DPY19L2: variants seen among roughly 807,000 people sequenced by gnomAD.
The protein encoded by DPY19L2 is probable C-mannosyltransferase DPY19L2.
A neutral mutation model predicts 97.9 loss-of-function variants in DPY19L2; 34 were observed. The observed-to-expected ratio is 0.35, with a 90% CI of 0.26 to 0.46. DPY19L2 has a LOEUF of 0.46. Ranked by LOEUF, DPY19L2 falls within the 20% of genes least tolerant of loss-of-function variation. The pLI is 1.00. For synonymous variants in DPY19L2, 230 were observed against 307.9 expected (o/e 0.75, Z 2.65); for missense variants, 623 against 911.4 (o/e 0.68, Z 4.07).
At chr12:63,658,355 C>T (rs915117145) in intron 4 of DPY19L2, among the ~76,000 whole-genome samples, 22 of 151,972 alleles carry the variant, frequency 1.4e-4, no homozygotes, top group Admixed American at 2.6e-4. Flanking sequence ...ATTAGCCAGG[C>T]GTGGTGGCGC....
intron 18 of DPY19L2, among the ~76,000 whole-genome samples, chr12:63,581,722 A>T (rs1222608579): frequency 2.0e-5 from 3 of 150,584 alleles, no homozygotes; most frequent in African/African-American, 7.4e-5. Context: ...ACCTCAAGTG[A>T]TCTGCCCACC....
At chr12:63,598,489 C>G (rs2942619) in intron 13 of DPY19L2, among the ~76,000 whole-genome samples, 30 of 152,132 alleles carry the variant, frequency 2.0e-4, no homozygotes, top group African/African-American at 6.0e-4. Context: ...AAGTAGATAC[C>G]AACAACCAAA....
In DPY19L2 at chr12:63,559,440, G is replaced by C. The variant is rs892451348; in HGVS notation, c.*1072C>G. ...TTCATATTTATAAAGCAGACAAAAAGAATGTTTATCTTTGCATTTGGCAAG... is the reference window on the plus strand; with the variant it reads ...TTCATATTTATAAAGCAGACAAAAACAATGTTTATCTTTGCATTTGGCAAG... On this transcript the variant is annotated 3_prime_UTR_variant, in exon 22 of 22. Transcript: ENST00000324472. 6.6e-6 allele frequency: 1 copy of C among 152,460 alleles called. No homozygotes were observed. The highest frequency in any genetic ancestry group is 2.4e-5 in the African/African-American group (1 of 41,406). The allele number at this position is 152,460 out of a possible 1,614,324, so 9.4% of individuals were successfully genotyped here. A position where few individuals can be genotyped will look rare whatever the true frequency, so the allele number is the denominator to read the frequency against.
chr12:63,621,074 A>AG (rs1888620703), intron 9 of DPY19L2, among the ~76,000 whole-genome samples, 164 bp downstream of exon 9: 1 of 151,968 alleles, frequency 6.6e-6, no homozygotes, highest in African/African-American at 2.4e-5. Flanking sequence ...GGAAAACATT[A>AG]GGAAAAACAG....
At chr12:63,616,669 C>T (rs1887886809) in intron 11 of DPY19L2, among the ~76,000 whole-genome samples, 1 of 152,114 alleles carries the variant, frequency 6.6e-6, no homozygotes, top group African/African-American at 2.4e-5. Context: ...CCATGTAGTT[C>T]CCGTGAGGAG....
At chr12:63,661,805 C>T (rs906744219) in intron 3 of DPY19L2, among the ~76,000 whole-genome samples, 6 of 152,240 alleles carry the variant, frequency 3.9e-5, no homozygotes, top group Non-Finnish European at 8.8e-5. Context: ...TTATCCCCCA[C>T]ATTTGAGATG....
intron 9 of DPY19L2, chr12:63,619,813 C>T (rs1888401172): frequency 2.7e-6 from 1 of 364,106 alleles, no homozygotes; most frequent in Non-Finnish European, 5.4e-6. Flanking sequence ...CCCCAAAGAG[C>T]TTCTTAGTTT....
chr12:63,644,593 A>G, intron 5 of DPY19L2, 97 bp from the exon 6 acceptor site: 2 of 1,486,994 alleles, frequency 1.3e-6, no homozygotes, highest in Non-Finnish European at 9.0e-7. Flanking sequence ...GAGCTCATGA[A>G]TTTGCTGAAA....
intron 6 of DPY19L2, among the ~76,000 whole-genome samples, chr12:63,631,224 G>A (rs1370557943): frequency 6.6e-6 from 1 of 152,044 alleles, no homozygotes; most frequent in African/African-American, 2.4e-5. Context: ...GATCAGAGCA[G>A]AACTGAAGGA....
At chr12:63,663,335 T>C (rs907131698) in intron 3 of DPY19L2, among the ~76,000 whole-genome samples, 5 of 152,136 alleles carry the variant, frequency 3.3e-5, no homozygotes, top group African/African-American at 9.7e-5. Flanking sequence ...TAAAATTATA[T>C]AAAAAGTTAT....
chr12:63,560,543 T>C lies in DPY19L2; in HGVS notation c.2246A>G (p.Asn749Ser). 1 of 1,614,024 alleles carries C rather than the reference T, an allele frequency of 6.2e-7. No individual in the cohort carries two copies. Among genetic ancestry groups the C allele is most frequent in the Non-Finnish European group, 8.5e-7 (1 of 1,179,926 alleles). The change falls in exon 22 of 22, where the codon AAT becomes AGT. Residue 749 changes from asparagine to serine, a missense_variant. By Grantham distance (46) the Asn-to-Ser change is conservative. Around this residue, in one of 6 missense-constraint regions of DPY19L2, gnomAD observed 294 missense variants for 446.2 expected, o/e 0.66. Transcript: ENST00000324472. ...AACCTTTAATACTCTGTACACACTA[T>C]TCTGAAATACTGTGGTGAAGTAAGG... ...ARPYFTTVFQ[N>S]SVYRVLKVN
chr12:63,646,911 CTATT>C (rs1216915718), intron 5 of DPY19L2, among the ~76,000 whole-genome samples: 1 of 152,078 alleles, frequency 6.6e-6, no homozygotes. Context: ...AGATATTTGA[CTATT>C]TAATGTATCC....
At chr12:63,608,484 G>A (rs925384684) in intron 12 of DPY19L2, 132 bp downstream of exon 12, 27 of 926,044 alleles carry the variant, frequency 2.9e-5, no homozygotes, top group Middle Eastern at 3.5e-4. Flanking sequence ...ACCTTAGATA[G>A]TAACTATTTT....
chr12:63,654,995 T>G (rs1894775566), intron 4 of DPY19L2, among the ~76,000 whole-genome samples: 1 of 151,772 alleles, frequency 6.6e-6, no homozygotes. Context: ...TGAGACAAAC[T>G]CAACAACACT....
Position 63,642,144 on chromosome 12 carries a change from G to C in DPY19L2, c.803+2259C>G, listed in dbSNP as rs1343503288. Among the ~76,000 whole-genome samples the C allele has an allele frequency of 5.3e-5, 8 of 152,034 alleles. No individual in the cohort carries two copies. The East Asian group carries it at 1.5e-3, about 29-fold the overall frequency. On this transcript the variant is annotated intron_variant, in intron 6 of 21. Coordinates refer to ENST00000324472, the MANE Select transcript of DPY19L2 (RefSeq NM_173812.5). ...CCCACTCTAATATAAACTTCACAAG[G>C]ACAGAGATCTCTGTCCTGTATTCCA...
chr12:63,633,834 C>A (rs1891148408), intron 6 of DPY19L2, among the ~76,000 whole-genome samples: 1 of 152,126 alleles, frequency 6.6e-6, no homozygotes, highest in African/African-American at 2.4e-5. Flanking sequence ...CAATGATAGA[C>A]TGGATTAAGA....
chr12:63,588,920 AT>A (rs1444908804), intron 16 of DPY19L2, among the ~76,000 whole-genome samples: 5 of 151,660 alleles, frequency 3.3e-5, no homozygotes, highest in African/African-American at 9.7e-5. Flanking sequence ...TGCCCAGCTA[AT>A]TTTTTGTATT....
intron 6 of DPY19L2, among the ~76,000 whole-genome samples, chr12:63,634,107 A>G (rs542994576): frequency 2.2e-4 from 34 of 152,184 alleles, no homozygotes; most frequent in African/African-American, 8.2e-4. Context: ...AGATATACCT[A>G]ATGTTAAATG....
chr12:63,642,623 A>C (rs1474361495), intron 6 of DPY19L2, among the ~76,000 whole-genome samples: 1 of 151,892 alleles, frequency 6.6e-6, no homozygotes, highest in African/African-American at 2.4e-5. Context: ...TTAAATGTAC[A>C]TTTCTGCTTC....
Sources: allele counts gnomAD v4.1 joint callset (sites outside exome capture counted in the v4.1 genomes callset), GRCh38; gene constraint gnomAD v4.1.1; regional missense constraint gnomAD v4.1.1; transcripts MANE v1.5; gene names NCBI Gene and HGNC (gene_info 2026-07-23, HGNC 2026-07-21).